GRIK1: variants seen among roughly 807,000 people sequenced by gnomAD.
GRIK1 encodes the protein glutamate ionotropic receptor kainate type subunit 1.
In GRIK1, 69 loss-of-function variants were observed where a neutral mutation model predicts 105.7. The ratio of observed to expected loss-of-function variants is 0.65; its 90% confidence interval spans 0.54 to 0.80. The LOEUF (loss-of-function observed/expected upper bound fraction) is 0.80. Among genes scored for constraint, GRIK1 ranks in the 30% least tolerant of loss-of-function variants. The probability of loss-of-function intolerance (pLI) is 0.00; values close to 1 mark genes in which losing one functional copy is unlikely to be tolerated. For synonymous variants in GRIK1, 438 were observed against 431.3 expected (o/e 1.02, Z -0.19); for missense variants, 1,109 against 1,167.3 (o/e 0.95, Z 0.73).
intron 1 of GRIK1, among the ~76,000 whole-genome samples, chr21:29,867,391 A>T (rs1185555327): frequency 2.6e-5 from 4 of 152,168 alleles, no homozygotes; most frequent in African/African-American, 9.7e-5. Flanking sequence ...CAGAAAAGGG[A>T]TAGGAGGGCT....
chr21:29,560,400 C>CCTTCCTTCCTTCCTTCCTTT lies in GRIK1; in HGVS notation c.2356+1223_2356+1224insAAAGGAAGGAAGGAAGGAAG, dbSNP rs1491373479. 7.9e-4 allele frequency among the ~76,000 whole-genome samples: 53 copies of CCTTCCTTCCTTCCTTCCTTT among 67,100 alleles called. 3 individuals are homozygous for CCTTCCTTCCTTCCTTCCTTT. The highest frequency in any genetic ancestry group is 3.0e-3 in the South Asian group (6 of 2,000). 44.0% of individuals were successfully genotyped at this position (67,100 alleles called of 152,430 possible). Reference sequence around the variant, plus strand: ...TCCTTCCTTCCTTCCTTCCTTCCTTCCTTTCTTTCTTTCTTTCTTTCTTTC... The same window carrying CCTTCCTTCCTTCCTTCCTTT: ...TCCTTCCTTCCTTCCTTCCTTCCTTCCTTCCTTCCTTCCTTCCTTTCTTTCTTTCTTTCTTTCTTTCTTTC... On this transcript the variant is annotated intron_variant, in intron 15 of 17. Coordinates refer to ENST00000327783, the MANE Select transcript of GRIK1 (RefSeq NM_001330994.2).
At chr21:29,607,584 C>T (rs1452149128) in intron 7 of GRIK1, among the ~76,000 whole-genome samples, 4 of 152,040 alleles carry the variant, frequency 2.6e-5, no homozygotes, top group African/African-American at 9.7e-5. Context: ...ACAGAAATTG[C>T]TTGTATGTAA....
In GRIK1 at chr21:29,610,657, A is replaced by G. The variant is rs1211248344; in HGVS notation, c.1099-11720T>C. 4.6e-5 allele frequency among the ~76,000 whole-genome samples: 7 copies of G among 152,270 alleles called. 1 individual carries two copies. The East Asian group carries it at 5.8e-4, about 13-fold the overall frequency. Reference sequence around the variant, plus strand: ...TTACCAACATCTTGACTTTAGCCCAATGAGACTTGTGTTAGAGTTCTGACT... The same window carrying G: ...TTACCAACATCTTGACTTTAGCCCAGTGAGACTTGTGTTAGAGTTCTGACT... On this transcript the variant is annotated intron_variant, in intron 7 of 17. Transcript: ENST00000327783.
intron 1 of GRIK1, among the ~76,000 whole-genome samples, chr21:29,736,539 G>A (rs1447981489): frequency 6.6e-6 from 1 of 151,550 alleles, no homozygotes; most frequent in African/African-American, 2.4e-5. Flanking sequence ...CTGAAAATTA[G>A]TATTATTAAC....
At chr21:29,618,435 A>G (rs1441500554) in intron 7 of GRIK1, among the ~76,000 whole-genome samples, 1 of 152,248 alleles carries the variant, frequency 6.6e-6, no homozygotes, top group South Asian at 2.1e-4. Context: ...TACAACCACT[A>G]TGGAAAACAG....
At position 29,939,588 on chromosome 21, in the gene GRIK1, C is replaced by A. The variant is rs2071906907; in HGVS notation, c.-88G>T. Reference sequence around the variant, plus strand: ...AACTTGGGCCGGGTCCCCGCCTCATCCTCTCTGGATGCTCCGGTTCCAAGC... The same window carrying A: ...AACTTGGGCCGGGTCCCCGCCTCATACTCTCTGGATGCTCCGGTTCCAAGC... On this transcript the variant is annotated 5_prime_UTR_variant, in exon 1 of 18. Coordinates refer to ENST00000327783, the MANE Select transcript of GRIK1 (RefSeq NM_001330994.2). 5.1e-6 allele frequency: 4 copies of A among 779,842 alleles called. No individual in the cohort carries two copies. Among genetic ancestry groups the A allele is most frequent in the Non-Finnish European group, 8.2e-6 (4 of 487,440 alleles). 48.3% of individuals were successfully genotyped at this position (779,842 alleles called of 1,614,324 possible).
At chr21:29,805,338 G>A (rs1365145708) in intron 1 of GRIK1, among the ~76,000 whole-genome samples, 1 of 152,116 alleles carries the variant, frequency 6.6e-6, no homozygotes, top group Non-Finnish European at 1.5e-5. Context: ...TAGTGCAGAA[G>A]GCAGGGAAGA....
At chr21:29,731,132 T>C (rs2064615578) in intron 1 of GRIK1, among the ~76,000 whole-genome samples, 1 of 152,200 alleles carries the variant, frequency 6.6e-6, no homozygotes, top group South Asian at 2.1e-4. Flanking sequence ...ATCAAAACTT[T>C]CACAAAATTG....
chr21:29,770,287 A>G (rs1166569660), intron 1 of GRIK1, among the ~76,000 whole-genome samples: 5 of 152,180 alleles, frequency 3.3e-5, no homozygotes, highest in East Asian at 3.8e-4. Flanking sequence ...TGAAGGCCCT[A>G]TATGTTAGTA....
At chr21:29,560,126 C>T (rs560542091) in intron 15 of GRIK1, among the ~76,000 whole-genome samples, 2 of 152,230 alleles carry the variant, frequency 1.3e-5, no homozygotes, top group East Asian at 1.9e-4. Context: ...GGGTCCTTAA[C>T]GATATGGCTT....
rs150930340 is a variant in GRIK1, at chr21:29,546,493, C to G, written c.2607+8559G>C. On this transcript the variant is annotated intron_variant, in intron 16 of 17. Coordinates refer to ENST00000327783, the MANE Select transcript of GRIK1 (RefSeq NM_001330994.2). The stretch of plus-strand genomic sequence containing the variant: ...GTGGTTTCTATTCTTCTTCATCCTC[C>G]CAAGTGTGAACTTGGCTCAGAGATG... Among the ~76,000 whole-genome samples the G allele has an allele frequency of 7.4e-3, 1,129 of 152,294 alleles. 15 individuals carry two copies. Among genetic ancestry groups the G allele is most frequent in the African/African-American group, 0.026 (1,080 of 41,556 alleles).
chr21:29,771,080 A>G lies in GRIK1; in HGVS notation c.119-77017T>C, dbSNP rs907508316. Among the ~76,000 whole-genome samples, 4 of 152,348 alleles carry G rather than the reference A, an allele frequency of 2.6e-5. No individual in the cohort carries two copies. In the East Asian group the frequency reaches 7.7e-4, roughly 29 times the overall value. Reference sequence around the variant, plus strand: ...ATTTTATTAACATGCTTCTACATGTAACTCTATCAAAATATGCATACAATC... The same window carrying G: ...ATTTTATTAACATGCTTCTACATGTGACTCTATCAAAATATGCATACAATC... On this transcript the variant is annotated intron_variant, in intron 1 of 17. Coordinates refer to ENST00000327783, the MANE Select transcript of GRIK1 (RefSeq NM_001330994.2).
chr21:29,547,195 G>A (rs1191960963), intron 16 of GRIK1, among the ~76,000 whole-genome samples: 2 of 152,178 alleles, frequency 1.3e-5, no homozygotes, highest in African/African-American at 4.8e-5. Flanking sequence ...GTAATGATTT[G>A]CTTATGATTC....
At chr21:29,792,362 AT>A (rs1393029424) in intron 1 of GRIK1, among the ~76,000 whole-genome samples, 1 of 152,156 alleles carries the variant, frequency 6.6e-6, no homozygotes, top group Non-Finnish European at 1.5e-5. Flanking sequence ...AGTGCTCATG[AT>A]TACCATTATT....
chr21:29,617,978 T>C (rs1306123347), intron 7 of GRIK1, among the ~76,000 whole-genome samples: 1 of 152,208 alleles, frequency 6.6e-6, no homozygotes, highest in Non-Finnish European at 1.5e-5. Flanking sequence ...ATACTACTTA[T>C]TCTCATTAAT....
intron 1 of GRIK1, among the ~76,000 whole-genome samples, chr21:29,791,257 T>C (rs1414795218): frequency 6.6e-6 from 1 of 152,030 alleles, no homozygotes; most frequent in African/African-American, 2.4e-5. Context: ...ATCTGTGATA[T>C]ACTGATGCTG....
chr21:29,672,740 C>T (rs941410721), intron 4 of GRIK1, among the ~76,000 whole-genome samples: 40 of 152,090 alleles, frequency 2.6e-4, no homozygotes, highest in African/African-American at 9.7e-4. Flanking sequence ...GAGTCACATA[C>T]CACTCGGTCC....
At chr21:29,747,563 G>C (rs959183975) in intron 1 of GRIK1, among the ~76,000 whole-genome samples, 1 of 152,180 alleles carries the variant, frequency 6.6e-6, no homozygotes, top group Admixed American at 6.5e-5. Flanking sequence ...AGGCCGGGTG[G>C]CTCACACCTA....
intron 3 of GRIK1, among the ~76,000 whole-genome samples, chr21:29,686,542 T>C (rs954443527): frequency 1.3e-5 from 2 of 152,254 alleles, no homozygotes; most frequent in African/African-American, 4.8e-5. Flanking sequence ...TTTAAGGCTA[T>C]AGCAGAGGTG....
Sources: allele counts gnomAD v4.1 joint callset (sites outside exome capture counted in the v4.1 genomes callset), GRCh38; gene constraint gnomAD v4.1.1; transcripts MANE v1.5; gene names NCBI Gene and HGNC (gene_info 2026-07-23, HGNC 2026-07-21).